The following MLANA variants were observed in gnomAD, a reference collection of about 807,000 sequenced individuals.
MLANA encodes the protein melan-A.
MLANA carries 21 observed loss-of-function variants against 15.7 expected under a neutral mutation model. The ratio of observed to expected loss-of-function variants is 1.33; its 90% CI spans 0.95 to 1.92. The LOEUF (loss-of-function observed/expected upper bound fraction) is 1.92. Among genes scored for constraint, MLANA ranks in the 40% most tolerant of loss-of-function variants. MLANA has a pLI of 0.00. For missense variants in MLANA, 164 were observed against 143.8 expected (o/e 1.14, Z -0.72); for synonymous variants, 56 against 51.5 (o/e 1.09, Z -0.37).
chr9:5,893,887 T>G (rs1831827972), intron 2 of MLANA, among the ~76,000 whole-genome samples: 1 of 151,290 alleles, frequency 6.6e-6, no homozygotes, highest in South Asian at 2.1e-4. Context: ...ACACGTCACT[T>G]CTGCTTATTG....
chr9:5,893,608 G>T (rs1211756669), intron 2 of MLANA, among the ~76,000 whole-genome samples: 1 of 152,160 alleles, frequency 6.6e-6, no homozygotes, highest in Non-Finnish European at 1.5e-5. Context: ...ACTCTTTGAG[G>T]GAGGGGAGCC....
Position 5,892,556 on chromosome 9 carries a change from G to C in MLANA, c.77+5G>C. 6.2e-7 allele frequency: 1 copy of C among 1,612,242 alleles called. No homozygotes were observed. The highest frequency in any genetic ancestry group is 8.5e-7 in the Non-Finnish European group (1 of 1,179,386). On this transcript the variant is annotated splice_donor_5th_base_variant and intron_variant, in intron 2 of 4. Coordinates refer to ENST00000381477, the MANE Select transcript of MLANA (RefSeq NM_005511.2). The stretch of plus-strand genomic sequence containing the variant: ...CTCTTACACCACGGCTGAAGAGTAA[G>C]TTCAAAACCAGACCCAGCAGGGCTT...
intron 3 of MLANA, among the ~76,000 whole-genome samples, chr9:5,904,500 A>C (rs1384288458): frequency 6.6e-6 from 1 of 151,372 alleles, no homozygotes; most frequent in African/African-American, 2.4e-5. Context: ...ACAGAATCTC[A>C]CTCACTCTGT....
At chr9:5,893,436 C>T (rs1235753451) in intron 2 of MLANA, among the ~76,000 whole-genome samples, 1 of 152,176 alleles carries the variant, frequency 6.6e-6, no homozygotes, top group African/African-American at 2.4e-5. Context: ...CAGTCAACCG[C>T]AGGGACCAGC....
chr9:5,907,047 A>C, intron 4 of MLANA, 49 bp downstream of exon 4: 1 of 1,188,292 alleles, frequency 8.4e-7, no homozygotes, highest in Non-Finnish European at 1.2e-6. Context: ...GCTGTTTTTA[A>C]CTCAAGTGAA....
chr9:5,895,690 G>C (rs531301123), intron 2 of MLANA, among the ~76,000 whole-genome samples: 2 of 152,338 alleles, frequency 1.3e-5, no homozygotes, highest in East Asian at 3.9e-4. Context: ...CTAAGAGGCT[G>C]ATTGGGTAGG....
chr9:5,895,383 CTT>C (rs547452355), intron 2 of MLANA, among the ~76,000 whole-genome samples: 1 of 143,738 alleles, frequency 7.0e-6, no homozygotes. Flanking sequence ...GGGCCATCTT[CTT>C]TTTTTTTTTT....
chr9:5,901,379 A>T (rs942999430), intron 3 of MLANA, among the ~76,000 whole-genome samples: 1 of 152,182 alleles, frequency 6.6e-6, no homozygotes, highest in African/African-American at 2.4e-5. Context: ...AACTTGAGTA[A>T]GTTTCCCTTT....
At chr9:5,907,782 A>G (rs1478240186) in intron 4 of MLANA, among the ~76,000 whole-genome samples, 1 of 152,074 alleles carries the variant, frequency 6.6e-6, no homozygotes, top group African/African-American at 2.4e-5. Context: ...GTGAAATCCT[A>G]TCTTTACTAA....
Position 5,894,664 on chromosome 9 carries a change from G to C in MLANA, c.77+2113G>C, listed in dbSNP as rs937314554. 2.0e-5 allele frequency among the ~76,000 whole-genome samples: 3 copies of C among 152,298 alleles called. No individual in the cohort carries two copies. Among genetic ancestry groups the C allele is most frequent in the South Asian group, 2.1e-4 (1 of 4,826 alleles). On this transcript the variant is annotated intron_variant, in intron 2 of 4. Coordinates refer to ENST00000381477, the MANE Select transcript of MLANA (RefSeq NM_005511.2). The surrounding 1 kb of genome is among the most constrained non-coding windows in gnomAD (Gnocchi z 4.0). ...TCTGACAATGCCGGAAAACGAGCTGGTGCTTGGCATATACAGACAATGTGA... is the reference window on the plus strand; with the variant it reads ...TCTGACAATGCCGGAAAACGAGCTGCTGCTTGGCATATACAGACAATGTGA...
intron 3 of MLANA, among the ~76,000 whole-genome samples, chr9:5,901,786 T>G (rs1832446110): frequency 6.6e-6 from 1 of 151,706 alleles, no homozygotes; most frequent in African/African-American, 2.4e-5. Flanking sequence ...CCTCCCAAAG[T>G]GCTGGGATTA....
chr9:5,903,394 T>A (rs1043123706), intron 3 of MLANA, among the ~76,000 whole-genome samples: 2 of 152,224 alleles, frequency 1.3e-5, no homozygotes, highest in Non-Finnish European at 2.9e-5. Context: ...CTTTTATATA[T>A]TGTTAGGTTT....
chr9:5,908,650 C>G lies in MLANA; in HGVS notation c.299C>G (p.Ala100Gly), dbSNP rs1424250208. The stretch of plus-strand genomic sequence containing the variant: ...TTCTTGTTCTCACAGGTTCCCAATG[C>G]TCCACCTGCTTATGAGAAACTCTCT... ...EKNCEPVVPN[A>G]PPAYEKLSAE... Residue 100 changes from alanine (A) to glycine (G), a missense_variant, in exon 5 of 5, where the codon GCT becomes GGT. Transcript: ENST00000381477. 6.2e-7 allele frequency: 1 copy of G among 1,614,026 alleles called. No individual in the cohort carries two copies. Among genetic ancestry groups the G allele is most frequent in the East Asian group, 2.2e-5 (1 of 44,866 alleles).
intron 3 of MLANA, among the ~76,000 whole-genome samples, chr9:5,900,882 T>C (rs768634949): frequency 6.6e-6 from 1 of 151,316 alleles, no homozygotes; most frequent in Non-Finnish European, 1.5e-5. Flanking sequence ...GAGAATTTCA[T>C]GGCCCTTGCT....
chr9:5,905,730 T>C (rs952850102), intron 3 of MLANA, among the ~76,000 whole-genome samples: 1 of 152,260 alleles, frequency 6.6e-6, no homozygotes, highest in Admixed American at 6.5e-5. Flanking sequence ...CTTTTCAGGC[T>C]GACCCAATGT....
intron 2 of MLANA, among the ~76,000 whole-genome samples, 172 bp from the exon 3 acceptor site, chr9:5,897,385 T>C (rs1475651206): frequency 1.3e-5 from 2 of 152,198 alleles, no homozygotes; most frequent in East Asian, 3.8e-4. Context: ...TAGATCCAGG[T>C]GCTGGAGGCC....
chr9:5,907,811 A>G lies in MLANA; in HGVS notation c.288+813A>G, dbSNP rs527788996. On this transcript the variant is annotated intron_variant, in intron 4 of 4. Coordinates refer to ENST00000381477, the MANE Select transcript of MLANA (RefSeq NM_005511.2). Reference sequence around the variant, plus strand: ...TTACTAAAAATACAAAAATTAGCCAAGCGTGGTGGTGCATGCCTGTAATCC... The same window carrying G: ...TTACTAAAAATACAAAAATTAGCCAGGCGTGGTGGTGCATGCCTGTAATCC... 9.9e-4 allele frequency among the ~76,000 whole-genome samples: 151 copies of G among 152,166 alleles called. 2 individuals carry two copies. In the Middle Eastern group the frequency reaches 0.027, roughly 27 times the overall value.
At chr9:5,897,455 G>A in intron 2 of MLANA, 102 bp from the exon 3 acceptor site, 1 of 1,046,770 alleles carries the variant, frequency 9.6e-7, no homozygotes, top group Non-Finnish European at 1.5e-6. Context: ...ATGCTGCTCT[G>A]GGTCGTCAAA....
chr9:5,905,610 A>G (rs554970513), intron 3 of MLANA, among the ~76,000 whole-genome samples: 2 of 152,354 alleles, frequency 1.3e-5, no homozygotes, highest in East Asian at 3.9e-4. Context: ...GCATTCCTTT[A>G]TACTGACTTC....
Sources: allele counts gnomAD v4.1 joint callset (sites outside exome capture counted in the v4.1 genomes callset), GRCh38; gene constraint gnomAD v4.1.1; non-coding constraint Gnocchi (gnomAD v3.1); transcripts MANE v1.5; gene names NCBI Gene and HGNC (gene_info 2026-07-23, HGNC 2026-07-21).